The following PCP4 variants were observed in gnomAD, a reference collection of about 807,000 sequenced individuals.
The protein encoded by PCP4 is calmodulin regulator protein PCP4.
A neutral mutation model predicts 10.0 loss-of-function variants in PCP4; 8 were observed. That is an observed-to-expected ratio of 0.80 (90% confidence interval 0.47 to 1.45). The LOEUF (loss-of-function observed/expected upper bound fraction) is 1.45. Among genes scored for constraint, PCP4 ranks in the 40% most tolerant of loss-of-function variants. The pLI is 0.00. For missense variants in PCP4, 54 were observed against 74.4 expected (o/e 0.73, Z 1.01); for synonymous variants, 21 against 23.0 (o/e 0.91, Z 0.24).
intron 2 of PCP4, among the ~76,000 whole-genome samples, chr21:39,928,746 A>G (rs563851869): frequency 6.6e-5 from 10 of 152,282 alleles, no homozygotes; most frequent in African/African-American, 2.4e-4. Flanking sequence ...CAGAAAATAC[A>G]TGAAGTGTTG....
At position 39,918,233 on chromosome 21, in the gene PCP4, G is replaced by A. The variant is rs118137842; in HGVS notation, c.62-10751G>A. ...ACCTTGTTTTTTTGTGCTCTTCCTC[G>A]CTTAATAAATTTGGAGGAAGATCTG... On this transcript the variant is annotated intron_variant, in intron 2 of 2. Coordinates refer to ENST00000328619, the MANE Select transcript of PCP4 (RefSeq NM_006198.3). Among the ~76,000 whole-genome samples the A allele has an allele frequency of 1.9e-4, 29 of 152,098 alleles. No homozygotes were observed. In the East Asian group the frequency reaches 4.2e-3, roughly 22 times the overall value.
intron 2 of PCP4, among the ~76,000 whole-genome samples, chr21:39,903,784 C>T (rs1195230398): frequency 6.8e-6 from 1 of 146,020 alleles, no homozygotes; most frequent in Admixed American, 7.1e-5. Context: ...AGGAGAATGG[C>T]GTGAACCTGG....
chr21:39,869,699 C>T (rs915404545), intron 1 of PCP4, among the ~76,000 whole-genome samples: 2 of 152,208 alleles, frequency 1.3e-5, no homozygotes, highest in African/African-American at 4.8e-5. Context: ...AACCTCAAAT[C>T]TGCTTAAAAT....
At chr21:39,918,685 C>T (rs1216630890) in intron 2 of PCP4, among the ~76,000 whole-genome samples, 1 of 152,198 alleles carries the variant, frequency 6.6e-6, no homozygotes, top group Non-Finnish European at 1.5e-5. Context: ...GCTCATTAAT[C>T]TCTGCCTCTT....
At chr21:39,867,597 T>C in intron 1 of PCP4, 87 bp downstream of exon 1, 1 of 1,213,258 alleles carries the variant, frequency 8.2e-7, no homozygotes. Flanking sequence ...TGTGAGGGAC[T>C]TAGCAGTGCT....
chr21:39,878,150 T>C (rs1323649538), intron 1 of PCP4, among the ~76,000 whole-genome samples: 1 of 152,154 alleles, frequency 6.6e-6, no homozygotes, highest in East Asian at 1.9e-4. Context: ...AAATTAACTC[T>C]ACTCTGGTGT....
At chr21:39,884,407 G>A (rs918762934) in intron 1 of PCP4, among the ~76,000 whole-genome samples, 2 of 151,678 alleles carry the variant, frequency 1.3e-5, no homozygotes, top group Non-Finnish European at 2.9e-5. Context: ...TCAAACTCCC[G>A]ACCTCAGGTG....
At chr21:39,897,419 A>G (rs2087462284) in intron 1 of PCP4, among the ~76,000 whole-genome samples, 1 of 151,832 alleles carries the variant, frequency 6.6e-6, no homozygotes, top group Admixed American at 6.6e-5. Context: ...GAGACTTTAT[A>G]AGCTTTTCAA....
At chr21:39,872,209 G>C (rs2087323894) in intron 1 of PCP4, among the ~76,000 whole-genome samples, 1 of 152,170 alleles carries the variant, frequency 6.6e-6, no homozygotes, top group African/African-American at 2.4e-5. Flanking sequence ...ATATTGGTCT[G>C]ACTGGTCTCG....
intron 1 of PCP4, among the ~76,000 whole-genome samples, chr21:39,881,991 G>T (rs749412608): frequency 2.6e-5 from 4 of 152,184 alleles, no homozygotes; most frequent in Non-Finnish European, 4.4e-5. Flanking sequence ...CCATCCAGTC[G>T]GGATAAAGGC....
intron 2 of PCP4, among the ~76,000 whole-genome samples, chr21:39,907,253 C>A (rs1438828384): frequency 6.6e-6 from 1 of 152,092 alleles, no homozygotes; most frequent in Non-Finnish European, 1.5e-5. Context: ...GTCAGCCTTG[C>A]AGCCCTGGGC....
chr21:39,913,151 T>C (rs1356274639), intron 2 of PCP4, among the ~76,000 whole-genome samples: 2 of 152,060 alleles, frequency 1.3e-5, no homozygotes, highest in Non-Finnish European at 2.9e-5. Context: ...TCCTGATAAG[T>C]AGAAAAAGGT....
At chr21:39,892,657 A>G (rs1248662402) in intron 1 of PCP4, among the ~76,000 whole-genome samples, 1 of 152,194 alleles carries the variant, frequency 6.6e-6, no homozygotes, top group Non-Finnish European at 1.5e-5. Context: ...AAATAAATAC[A>G]TCATGGAGAA....
At chr21:39,925,073 C>G (rs890357558) in intron 2 of PCP4, among the ~76,000 whole-genome samples, 1 of 152,220 alleles carries the variant, frequency 6.6e-6, no homozygotes, top group African/African-American at 2.4e-5. Context: ...CTCCATTCAG[C>G]CTTGAGCATT....
intron 1 of PCP4, among the ~76,000 whole-genome samples, chr21:39,889,948 T>C (rs1056439641): frequency 6.6e-6 from 1 of 152,198 alleles, no homozygotes; most frequent in Non-Finnish European, 1.5e-5. Flanking sequence ...ATTTCCCAAA[T>C]AGGCATGATC....
chr21:39,879,346 C>T (rs896861480), intron 1 of PCP4, among the ~76,000 whole-genome samples: 1 of 152,092 alleles, frequency 6.6e-6, no homozygotes, highest in African/African-American at 2.4e-5. Flanking sequence ...CCAAATACCT[C>T]CTTCAAGTTC....
rs554155481 is a variant in PCP4, at chr21:39,879,143, C to T, written c.9+11633C>T. On this transcript the variant is annotated intron_variant, in intron 1 of 2. Coordinates refer to ENST00000328619, the MANE Select transcript of PCP4 (RefSeq NM_006198.3). ...TAGCTGGGATTACAGGTGCGCACCA[C>T]CATGACCAGCTAATTTTGTAATTTT... Among the ~76,000 whole-genome samples the T allele has an allele frequency of 1.4e-4, 22 of 152,158 alleles. 1 individual carries two copies. The highest frequency in any genetic ancestry group is 1.4e-3 in the Admixed American group (22 of 15,274).
intron 2 of PCP4, among the ~76,000 whole-genome samples, chr21:39,900,774 CG>C (rs2087479088): frequency 6.6e-6 from 1 of 152,014 alleles, no homozygotes; most frequent in Admixed American, 6.6e-5. Flanking sequence ...TTCCTTAGCT[CG>C]GAACTCGACT....
intron 2 of PCP4, chr21:39,926,076 T>A (rs747764687): frequency 4.6e-5 from 21 of 455,916 alleles, no homozygotes; most frequent in South Asian, 3.3e-4. Context: ...CCTTACACAC[T>A]CCTGACTGGC....
Sources: allele counts gnomAD v4.1 joint callset (sites outside exome capture counted in the v4.1 genomes callset), GRCh38; gene constraint gnomAD v4.1.1; transcripts MANE v1.5; gene names NCBI Gene and HGNC (gene_info 2026-07-23, HGNC 2026-07-21).